Variants in YLPM1 observed in about 807,000 individuals in gnomAD.
The protein encoded by YLPM1 is YLP motif containing 1.
A neutral mutation model predicts 230.0 loss-of-function variants in YLPM1; 99 were observed. The ratio of observed to expected loss-of-function variants is 0.43; its 90% CI spans 0.37 to 0.51. The LOEUF (loss-of-function observed/expected upper bound fraction) is 0.51, where lower values mean the gene tolerates loss of function less well. Ranked by LOEUF, YLPM1 falls within the 20% of genes least tolerant of loss-of-function variation. YLPM1 has a pLI of 0.00. For synonymous variants in YLPM1, 984 were observed against 942.5 expected (o/e 1.04, Z -0.81); for missense variants, 2,592 against 2,707.7 (o/e 0.96, Z 0.95).
At chr14:74,821,204 C>A in intron 17 of YLPM1, 67 bp downstream of exon 17, 2 of 1,477,554 alleles carry the variant, frequency 1.4e-6, no homozygotes, top group South Asian at 1.5e-5. Flanking sequence ...GGTTTAAATT[C>A]AGATCTGTGG....
At chr14:74,786,328 C>T (rs1049755260) in intron 4 of YLPM1, among the ~76,000 whole-genome samples, 3 of 143,506 alleles carry the variant, frequency 2.1e-5, no homozygotes, top group African/African-American at 7.7e-5. Context: ...TGCCACTCTA[C>T]TCCATCCTGG....
At chr14:74,781,145 T>TCTA (rs2091087897) in intron 3 of YLPM1, among the ~76,000 whole-genome samples, 189 bp from the exon 4 acceptor site, 1 of 152,196 alleles carries the variant, frequency 6.6e-6, no homozygotes, top group African/African-American at 2.4e-5. Context: ...TAGTAAGTTG[T>TCTA]CTAAGCCAAA....
chr14:74,769,056 A>G (rs979356213), intron 1 of YLPM1, among the ~76,000 whole-genome samples: 2 of 150,946 alleles, frequency 1.3e-5, no homozygotes, highest in African/African-American at 2.4e-5. Context: ...TTTATTTTTT[A>G]TTTGTTTTTA....
rs1225725028 is a variant in YLPM1, at chr14:74,776,474, A to G, written c.874-1973A>G. The stretch of plus-strand genomic sequence containing the variant: ...AACACAGATATTTTCTCTGTGAGAC[A>G]TAAGACCGCTTTCTTGCTCTTGGGA... On this transcript the variant is annotated intron_variant, in intron 1 of 20. Coordinates refer to ENST00000325680, the MANE Select transcript of YLPM1 (RefSeq NM_019589.3). 4.6e-5 allele frequency among the ~76,000 whole-genome samples: 7 copies of G among 152,380 alleles called. No individual in the cohort carries two copies. The South Asian group carries it at 8.3e-4, about 18-fold the overall frequency.
intron 1 of YLPM1, among the ~76,000 whole-genome samples, chr14:74,773,711 CTTTTTTTTTTTTTTTT>C (rs766885242): frequency 5.0e-5 from 3 of 60,564 alleles, no homozygotes; most frequent in African/African-American, 2.3e-4. Flanking sequence ...TGTTTTCTTT[CTTTTTTTTTTTTTTTT>C]TTTTTTTTTT....
chr14:74,793,722 T>G (rs911062568), intron 4 of YLPM1, among the ~76,000 whole-genome samples: 1 of 152,236 alleles, frequency 6.6e-6, no homozygotes, highest in Non-Finnish European at 1.5e-5. Flanking sequence ...AGGGGCTTGT[T>G]ACCTGTCAGG....
At chr14:74,815,474 A>T (rs769590130) in intron 11 of YLPM1, among the ~76,000 whole-genome samples, 4 of 151,824 alleles carry the variant, frequency 2.6e-5, no homozygotes, top group African/African-American at 4.8e-5. Flanking sequence ...AGGCATGAGA[A>T]TCGCTCAAAC....
chr14:74,782,464 C>A, intron 4 of YLPM1, 139 bp downstream of exon 4: 1 of 1,042,896 alleles, frequency 9.6e-7, no homozygotes, highest in Non-Finnish European at 1.3e-6. Flanking sequence ...CTTGTTAAGA[C>A]ATCACGTATG....
At chr14:74,834,964 G>T in intron 19 of YLPM1, 1 of 259,052 alleles carries the variant, frequency 3.9e-6, no homozygotes, top group Non-Finnish European at 7.4e-6. Context: ...TTTGCTTTCA[G>T]GTGAAAAAAA....
At chr14:74,825,284 G>T (rs1234011291) in intron 18 of YLPM1, among the ~76,000 whole-genome samples, 1 of 152,006 alleles carries the variant, frequency 6.6e-6, no homozygotes, top group Non-Finnish European at 1.5e-5. Flanking sequence ...CCTTTAATTT[G>T]CCCCAACTAC....
At chr14:74,832,949 T>A (rs2091618771) in intron 19 of YLPM1, among the ~76,000 whole-genome samples, 1 of 148,292 alleles carries the variant, frequency 6.7e-6, no homozygotes, top group South Asian at 2.1e-4. Flanking sequence ...TTTAACTATG[T>A]GCTGAGGTTG....
chr14:74,820,973 A>G, intron 16 of YLPM1, 84 bp from the exon 17 acceptor site: 8 of 1,357,880 alleles, frequency 5.9e-6, no homozygotes, highest in Non-Finnish European at 6.7e-6. Context: ...GGGCAACTGT[A>G]TTCATTCCAG....
At chr14:74,788,579 C>G (rs1278914083) in intron 4 of YLPM1, among the ~76,000 whole-genome samples, 1 of 152,232 alleles carries the variant, frequency 6.6e-6, no homozygotes, top group Non-Finnish European at 1.5e-5. Context: ...TGGTGGCTCA[C>G]ACACCTATAA....
chr14:74,791,538 G>C (rs1163140626), intron 4 of YLPM1, among the ~76,000 whole-genome samples: 1 of 152,086 alleles, frequency 6.6e-6, no homozygotes, highest in Non-Finnish European at 1.5e-5. Flanking sequence ...TCTTTGTCTG[G>C]AATTCCCTTC....
At chr14:74,811,571 AC>A in intron 9 of YLPM1, 48 bp from the exon 10 acceptor site, 2 of 1,414,062 alleles carry the variant, frequency 1.4e-6, no homozygotes, top group Admixed American at 3.8e-5. Context: ...AAAGCAGAGA[AC>A]CCCAAATATT....
intron 12 of YLPM1, 29 bp from the exon 13 acceptor site, chr14:74,816,542 T>C: frequency 1.3e-6 from 2 of 1,587,446 alleles, no homozygotes; most frequent in Non-Finnish European, 1.7e-6. Context: ...ATAAATTCGT[T>C]TTAACCTTCT....
In YLPM1 at chr14:74,799,639, C is replaced by T. The variant is rs1363432634; in HGVS notation, c.4342C>T (p.Leu1448Phe). 1 of 1,613,774 alleles carries T rather than the reference C, an allele frequency of 6.2e-7. No individual in the cohort carries two copies. The change falls in exon 5 of 21, where the codon CTC becomes TTC. Residue 1448 changes from leucine (L) to phenylalanine (F), a missense_variant. By Grantham distance (22) the Leu-to-Phe change is conservative. Coordinates refer to ENST00000325680, the MANE Select transcript of YLPM1 (RefSeq NM_019589.3). ...SDQGLGGVMV[L>F]SQRQHEIILK... ...CCAAGGCCTTGGAGGGGTAATGGTTCTCAGTCAGAGGCAGCATGAAATCAT... is the reference window on the plus strand; with the variant it reads ...CCAAGGCCTTGGAGGGGTAATGGTTTTCAGTCAGAGGCAGCATGAAATCAT...
intron 17 of YLPM1, 98 bp downstream of exon 17, chr14:74,821,235 T>G: frequency 7.1e-7 from 1 of 1,410,680 alleles, no homozygotes; most frequent in Non-Finnish European, 9.3e-7. Context: ...ACTGTTGATA[T>G]ACACTTTAGT....
intron 19 of YLPM1, among the ~76,000 whole-genome samples, chr14:74,832,998 A>G (rs1233102619): frequency 2.0e-5 from 3 of 149,478 alleles, no homozygotes; most frequent in African/African-American, 4.9e-5. Flanking sequence ...TGCCGTGGGA[A>G]TGGATTTAAA....
Sources: gnomAD v4.1 joint callset for allele counts (sites outside exome capture counted in the v4.1 genomes callset) on GRCh38, gnomAD v4.1.1 for gene constraint, MANE v1.5 for transcripts, NCBI Gene and HGNC (gene_info 2026-07-23, HGNC 2026-07-21) for gene names.